ZFHX3: variants seen among roughly 807,000 people sequenced by gnomAD.
ZFHX3 encodes zinc finger homeobox protein 3.
In ZFHX3, 42 loss-of-function variants were observed where a neutral mutation model predicts 279.1. The observed-to-expected ratio is 0.15, with a 90% CI of 0.12 to 0.19. The LOEUF is 0.19. Ranked by LOEUF, ZFHX3 falls within the 10% of genes least tolerant of loss-of-function variation. The probability of loss-of-function intolerance (pLI) is 1.00; values close to 1 mark genes in which losing one functional copy is unlikely to be tolerated. For missense variants in ZFHX3, 4,981 were observed against 4,754.0 expected (o/e 1.05, Z -1.40); for synonymous variants, 2,293 against 1,957.8 (o/e 1.17, Z -4.52).
intron 2 of ZFHX3, among the ~76,000 whole-genome samples, chr16:73,644,684 A>T (rs2052602703): frequency 1.1e-5 from 1 of 93,130 alleles, no homozygotes; most frequent in Non-Finnish European, 2.8e-5. Flanking sequence ...ACAAAACTAA[A>T]CAAAAAAACC....
At chr16:73,136,276 C>T (rs1221003045) in intron 6 of ZFHX3, among the ~76,000 whole-genome samples, 2 of 152,048 alleles carry the variant, frequency 1.3e-5, no homozygotes, top group East Asian at 1.9e-4. Context: ...ATCTTGGGGA[C>T]TCCATTTTTG....
At chr16:72,837,097 C>T (rs1225167223) in intron 4 of ZFHX3, among the ~76,000 whole-genome samples, 3 of 152,302 alleles carry the variant, frequency 2.0e-5, no homozygotes, top group African/African-American at 4.8e-5. Flanking sequence ...TCAGTAGGAC[C>T]GAAGTGCACC....
At chr16:73,191,376 A>G (rs948777988) in intron 5 of ZFHX3, among the ~76,000 whole-genome samples, 1 of 152,104 alleles carries the variant, frequency 6.6e-6, no homozygotes, top group African/African-American at 2.4e-5. Context: ...ACCAGACTGA[A>G]GCGTAGCCTC....
At chr16:72,876,779 G>A (rs1239582746) in intron 4 of ZFHX3, among the ~76,000 whole-genome samples, 1 of 152,096 alleles carries the variant, frequency 6.6e-6, no homozygotes, top group South Asian at 2.1e-4. Flanking sequence ...AAAGCCGCCT[G>A]TGGCCAGATT....
intron 2 of ZFHX3, among the ~76,000 whole-genome samples, chr16:73,597,796 T>C (rs920441797): frequency 1.3e-5 from 2 of 152,190 alleles, no homozygotes; most frequent in African/African-American, 4.8e-5. Flanking sequence ...AGAAAATGAA[T>C]TTCTATTGCT....
At chr16:73,329,511 G>A (rs1461934110) in intron 3 of ZFHX3, among the ~76,000 whole-genome samples, 2 of 152,246 alleles carry the variant, frequency 1.3e-5, no homozygotes, top group Non-Finnish European at 2.9e-5. Flanking sequence ...GCTGCTCCAA[G>A]AGGAACACGG....
chr16:72,888,221 T>G (rs185010595), intron 4 of ZFHX3, among the ~76,000 whole-genome samples: 5 of 152,192 alleles, frequency 3.3e-5, no homozygotes, highest in Non-Finnish European at 7.3e-5. Context: ...ATGTGTAATT[T>G]GATTATATTA....
intron 1 of ZFHX3, among the ~76,000 whole-genome samples, chr16:73,687,043 TATA>T: frequency 8.9e-6 from 1 of 112,154 alleles, no homozygotes; most frequent in East Asian, 2.9e-4. Flanking sequence ...TATATATATA[TATA>T]TATATATATA....
intron 3 of ZFHX3, among the ~76,000 whole-genome samples, chr16:73,435,890 G>C (rs1257532132): frequency 6.6e-6 from 1 of 152,208 alleles, no homozygotes; most frequent in Non-Finnish European, 1.5e-5. Context: ...ATCCTGCCTG[G>C]TGTCTGCACC....
intron 2 of ZFHX3, among the ~76,000 whole-genome samples, chr16:73,651,455 G>A (rs1419546399): frequency 3.3e-5 from 5 of 151,874 alleles, no homozygotes; most frequent in East Asian, 1.9e-4. Flanking sequence ...AATAAAAAAG[G>A]AAGAAAGCAA....
At chr16:72,812,134 A>G in intron 5 of ZFHX3, 96 bp from the exon 6 acceptor site, 4 of 1,490,290 alleles carry the variant, frequency 2.7e-6, no homozygotes, top group Non-Finnish European at 3.6e-6. Flanking sequence ...TTTATAGCAC[A>G]GGATTTTCTT....
intron 3 of ZFHX3, among the ~76,000 whole-genome samples, chr16:72,920,391 A>T (rs1002804437): frequency 1.3e-5 from 2 of 152,040 alleles, no homozygotes; most frequent in African/African-American, 4.8e-5. Flanking sequence ...AACTTAAAGA[A>T]ACACACCAAC....
At chr16:73,890,930 T>C (rs1342801989) in intron 1 of ZFHX3, among the ~76,000 whole-genome samples, 1 of 151,600 alleles carries the variant, frequency 6.6e-6, no homozygotes, top group Non-Finnish European at 1.5e-5. Flanking sequence ...GTGACATCAA[T>C]CAACTGTGTG....
intron 1 of ZFHX3, among the ~76,000 whole-genome samples, chr16:72,989,238 A>G (rs1021511850): frequency 4.6e-5 from 7 of 152,048 alleles, no homozygotes; most frequent in Non-Finnish European, 1.0e-4. Flanking sequence ...TAATACCAGC[A>G]CCTTGGGAGG....
chr16:73,351,694 C>T (rs976953154), intron 3 of ZFHX3, among the ~76,000 whole-genome samples: 19 of 152,298 alleles, frequency 1.2e-4, no homozygotes, highest in African/African-American at 4.6e-4. Flanking sequence ...AAATGGAATC[C>T]TTTTAAAACG....
chr16:73,635,959 G>A (rs1490585956), intron 2 of ZFHX3, among the ~76,000 whole-genome samples: 2 of 152,180 alleles, frequency 1.3e-5, no homozygotes, highest in Admixed American at 1.3e-4. Flanking sequence ...CACACAATCT[G>A]TTGTTGATAG....
At chr16:73,633,054 G>A (rs894304293) in intron 2 of ZFHX3, among the ~76,000 whole-genome samples, 2 of 152,164 alleles carry the variant, frequency 1.3e-5, no homozygotes, top group Non-Finnish European at 2.9e-5. Flanking sequence ...ACTCTAGGCT[G>A]GACAACAAAG....
intron 9 of ZFHX3, chr16:72,789,526 A>C (rs997011720): frequency 6.6e-6 from 1 of 152,362 alleles, no homozygotes; most frequent in Non-Finnish European, 1.5e-5. Flanking sequence ...GAAGGCAAGA[A>C]AGCTAGCACG....
In ZFHX3 at chr16:73,096,409, A is replaced by ATT. The variant is rs59309655; in HGVS notation, c.-896-2813_-896-2812dup. 6.4e-3 allele frequency among the ~76,000 whole-genome samples: 927 copies of ATT among 144,480 alleles called. 14 individuals are homozygous for ATT. Among genetic ancestry groups the ATT allele is most frequent in the African/African-American group, 0.022 (868 of 39,294 alleles). 94.8% of individuals were successfully genotyped at this position (144,480 alleles called of 152,430 possible). ...GCAATAGCTGAAGCCGAACTTCTTT[A>ATT]TTTTTTTTTTTGAGACAGAGTCTCA... On this transcript the variant is annotated intron_variant, in intron 7 of 17. Coordinates refer to the ZFHX3 transcript ENST00000641206.
Sources: gnomAD v4.1 joint callset for allele counts (sites outside exome capture counted in the v4.1 genomes callset) on GRCh38, gnomAD v4.1.1 for gene constraint, MANE v1.5 for transcripts, NCBI Gene and HGNC (gene_info 2026-07-23, HGNC 2026-07-21) for gene names.